Variants in TRAPPC11 observed in about 807,000 individuals in gnomAD.
The protein encoded by TRAPPC11 is foie gras homolog.
TRAPPC11 carries 104 observed loss-of-function variants against 151.2 expected under a neutral mutation model. The ratio of observed to expected loss-of-function variants is 0.69; its 90% CI spans 0.59 to 0.81. The LOEUF is 0.81. TRAPPC11 is among the 30% of genes least tolerant of loss of function. The pLI, the probability that TRAPPC11 is intolerant of heterozygous loss-of-function variation, is 0.00. For missense variants in TRAPPC11, 1,230 were observed against 1,349.6 expected, an observed-to-expected ratio of 0.91 and a Z score of 1.39; for synonymous variants, 456 against 472.3, an observed-to-expected ratio of 0.97 and a Z score of 0.45.
At position 183,664,032 on chromosome 4, in the gene TRAPPC11, G is replaced by T. The variant is rs1359399975; in HGVS notation, c.165G>T (p.Val55=). The T allele has an allele frequency of 1.2e-6, 2 of 1,613,506 alleles. No individual in the cohort carries two copies. Among genetic ancestry groups the T allele is most frequent in the South Asian group, 2.2e-5 (2 of 91,064 alleles). The change falls in exon 2 of 30, where the codon GTG becomes GTT. Residue 55 remains valine (V), a synonymous_variant. Coordinates refer to ENST00000334690, the MANE Select transcript of TRAPPC11 (RefSeq NM_021942.6). ...ATCGAGTACCAATTTCTTTCAAGGT[G>T]CTCCCAGGTGACCATGAGTATCCCA... is the stretch of plus-strand genomic sequence containing the variant. ...RADRVPISFK[V]LPGDHEYPKC...
chr4:183,700,238 T>C (rs772892103), intron 25 of TRAPPC11, among the ~76,000 whole-genome samples: 9 of 152,204 alleles, frequency 5.9e-5, no homozygotes, highest in Non-Finnish European at 1.2e-4. Flanking sequence ...CTCAAACTGA[T>C]GTGTATTTTA....
intron 10 of TRAPPC11, 88 bp from the exon 11 acceptor site, chr4:183,682,644 A>G (rs983873652): frequency 6.2e-6 from 4 of 643,490 alleles, no homozygotes; most frequent in Middle Eastern, 2.7e-4. Flanking sequence ...TATTTATGAA[A>G]ACTTTTTTGT....
intron 18 of TRAPPC11, among the ~76,000 whole-genome samples, chr4:183,687,105 CG>C (rs1317680282): frequency 6.6e-6 from 1 of 151,978 alleles, no homozygotes; most frequent in Non-Finnish European, 1.5e-5. Flanking sequence ...CACTTGAACT[CG>C]GGAGATGGAG....
At chr4:183,683,089 G>A (rs975627688) in intron 11 of TRAPPC11, among the ~76,000 whole-genome samples, 6 of 151,148 alleles carry the variant, frequency 4.0e-5, no homozygotes, top group Non-Finnish European at 7.4e-5. Flanking sequence ...GGAGACTGAG[G>A]TGGAAGGATC....
rs777524576 is a variant in TRAPPC11 at position 183,689,631 on chromosome 4, CTT to C, written c.1894-1670_1894-1669del. On this transcript the variant is annotated intron_variant, in intron 18 of 29. Transcript: ENST00000334690. ...AAATTAGAGGGTCAACACAAGGACT[CTT>C]TTTTTTTTTTTTTTAAAGAGATACT... Among the ~76,000 whole-genome samples the C allele has an allele frequency of 2.0e-4, 22 of 111,772 alleles. 1 individual carries two copies. The South Asian group carries it at 2.5e-3, about 12-fold the overall frequency. The allele number at this position is 111,772 out of a possible 152,430, so 73.3% of individuals were successfully genotyped here.
At chr4:183,687,067 G>C (rs1736014335) in intron 18 of TRAPPC11, among the ~76,000 whole-genome samples, 1 of 152,112 alleles carries the variant, frequency 6.6e-6, no homozygotes, top group Non-Finnish European at 1.5e-5. Flanking sequence ...TGTAGTCCCA[G>C]CTACTTGGGA....
chr4:183,686,399 A>G (rs1205726740), intron 17 of TRAPPC11, among the ~76,000 whole-genome samples: 4 of 152,192 alleles, frequency 2.6e-5, no homozygotes, highest in African/African-American at 7.2e-5. Flanking sequence ...GGCCTCCCCA[A>G]GTGTTGGGAT....
In TRAPPC11 at chr4:183,677,561, A is replaced by G; in HGVS notation, c.831+7A>G. ...AGGATTTATAAACTACAAGGTAATA[A>G]TTCTGCTTCCAAATACAGGGAATTT... On this transcript the variant is annotated splice_region_variant and intron_variant, in intron 8 of 29. Coordinates refer to ENST00000334690, the MANE Select transcript of TRAPPC11 (RefSeq NM_021942.6). The G allele has an allele frequency of 7.1e-7, 1 of 1,409,904 alleles. No homozygotes were observed. The highest frequency in any genetic ancestry group is 1.0e-6 in the Non-Finnish European group (1 of 1,003,720). 87.3% of individuals were successfully genotyped at this position (1,409,904 alleles called of 1,614,324 possible). A position where few individuals can be genotyped will look rare whatever the true frequency, so the allele number is the denominator to read the frequency against.
intron 29 of TRAPPC11, 127 bp from the exon 30 acceptor site, chr4:183,712,473 G>T: frequency 1.1e-6 from 1 of 927,314 alleles, no homozygotes; most frequent in East Asian, 2.4e-5. Flanking sequence ...TTTTTATTTT[G>T]ATGCTTACAC....
At chr4:183,681,000 TAG>T (rs1735660678) in intron 10 of TRAPPC11, among the ~76,000 whole-genome samples, 1 of 151,732 alleles carries the variant, frequency 6.6e-6, no homozygotes, top group Non-Finnish European at 1.5e-5. Flanking sequence ...GCCTCCTGTG[TAG>T]AGACTCTTAA....
intron 10 of TRAPPC11, among the ~76,000 whole-genome samples, chr4:183,681,879 G>GTTA (rs1288493305): frequency 2.0e-5 from 3 of 151,966 alleles, no homozygotes; most frequent in African/African-American, 7.3e-5. Context: ...AGATAACTAA[G>GTTA]GCAGCTAATA....
rs1736254574 is a variant in TRAPPC11, at chr4:183,691,440, C to G, written c.2018C>G (p.Ala673Gly). ...KTRKLLFKFV[A>G]KTEDVGKKIE... ...AGAAAACTGTTATTTAAGTTTGTTG[C>G]AAAAACTGAAGATGTGGGAAAGAAA... Residue 673 changes from alanine to glycine, a missense_variant, in exon 19 of 30, where the codon GCA (alanine) becomes GGA (glycine). Transcript: ENST00000334690. The G allele has an allele frequency of 6.6e-7, 1 of 1,508,618 alleles. No homozygotes were observed. The highest frequency in any genetic ancestry group is 1.8e-5 in the Admixed American group (1 of 56,264). The allele number at this position is 1,508,618 out of a possible 1,614,324, so 93.5% of individuals were successfully genotyped here.
At chr4:183,712,566 T>G in intron 29 of TRAPPC11, 34 bp from the exon 30 acceptor site, 1 of 1,606,928 alleles carries the variant, frequency 6.2e-7, no homozygotes, top group East Asian at 2.2e-5. Context: ...ATATTATAAT[T>G]TTGTAAACCC....
At chr4:183,693,201 T>A in intron 20 of TRAPPC11, 54 bp downstream of exon 20, 1 of 1,491,662 alleles carries the variant, frequency 6.7e-7, no homozygotes, top group Non-Finnish European at 9.0e-7. Flanking sequence ...TTTCTTTTGC[T>A]ATTTTTTTTG....
intron 1 of TRAPPC11, among the ~76,000 whole-genome samples, chr4:183,662,719 G>A (rs973707982): frequency 7.3e-5 from 11 of 151,706 alleles, no homozygotes; most frequent in African/African-American, 2.7e-4. Flanking sequence ...ATTAGGGGAA[G>A]TTTATTATAT....
chr4:183,694,176 A>G (rs1376428706), intron 22 of TRAPPC11, 138 bp downstream of exon 22: 1 of 901,740 alleles, frequency 1.1e-6, no homozygotes, highest in South Asian at 1.9e-5. Flanking sequence ...AACATTTCAT[A>G]CACATTTTAC....
At position 183,663,394 on chromosome 4, in the gene TRAPPC11, C is replaced by T. The variant is rs767143361; in HGVS notation, c.-21-453C>T. On this transcript the variant is annotated intron_variant, in intron 1 of 29. Transcript: ENST00000334690. ...GACTACAGGCGCCCACCACCACGCC[C>T]GGCTAATTTTTTGGATATTTAGTAG... Among the ~76,000 whole-genome samples the T allele has an allele frequency of 6.6e-5, 10 of 151,994 alleles. 1 individual carries two copies. In the South Asian group the frequency reaches 1.2e-3, roughly 19 times the overall value.
At chr4:183,705,794 A>G (rs1055126540) in intron 27 of TRAPPC11, 3 of 152,208 alleles carry the variant, frequency 2.0e-5, no homozygotes, top group African/African-American at 7.2e-5. Context: ...AATACTTCAT[A>G]GTGTATGTGC....
At chr4:183,664,221 C>T in intron 2 of TRAPPC11, 150 bp downstream of exon 2, 1 of 601,098 alleles carries the variant, frequency 1.7e-6, no homozygotes, top group East Asian at 2.7e-5. Context: ...ATGTAATACA[C>T]TGCATGTATA....
Sources: gnomAD v4.1 joint callset for allele counts (sites outside exome capture counted in the v4.1 genomes callset) on GRCh38, gnomAD v4.1.1 for gene constraint, MANE v1.5 for transcripts, NCBI Gene and HGNC (gene_info 2026-07-23, HGNC 2026-07-21) for gene names.